The following DLG2 variants were observed in gnomAD, a reference collection of about 807,000 sequenced individuals.
DLG2 encodes the protein disks large homolog 2.
Under a neutral mutation model 132.5 loss-of-function variants are expected in DLG2, and 45 were observed. The ratio of observed to expected loss-of-function variants is 0.34; its 90% confidence interval spans 0.27 to 0.44. The LOEUF is 0.44. Among genes scored for constraint, DLG2 ranks in the 20% least tolerant of loss-of-function variants. The pLI is 1.00. For missense variants in DLG2, 1,045 were observed against 1,196.9 expected (o/e 0.87, Z 1.87); for synonymous variants, 424 against 419.6 (o/e 1.01, Z -0.13).
intron 6 of DLG2, among the ~76,000 whole-genome samples, chr11:84,909,262 G>T (rs1591094052): frequency 1.3e-5 from 2 of 152,090 alleles, no homozygotes; most frequent in Admixed American, 1.3e-4. Flanking sequence ...ACAAATTCCA[G>T]TATCTTTCCC....
chr11:83,628,107 G>A (rs1270369050), intron 19 of DLG2, among the ~76,000 whole-genome samples: 4 of 152,130 alleles, frequency 2.6e-5, no homozygotes, highest in Admixed American at 2.6e-4. Flanking sequence ...GTAGATTCTG[G>A]ATATTAGCCC....
intron 6 of DLG2, among the ~76,000 whole-genome samples, chr11:84,728,409 T>C (rs1414539394): frequency 2.0e-5 from 3 of 152,190 alleles, no homozygotes; most frequent in Non-Finnish European, 2.9e-5. Context: ...AAGGCATATG[T>C]TGAACCAGCC....
chr11:85,441,676 T>C (rs977323158), intron 3 of DLG2, among the ~76,000 whole-genome samples: 1 of 152,190 alleles, frequency 6.6e-6, no homozygotes, highest in Non-Finnish European at 1.5e-5. Context: ...AAATTATTGA[T>C]AGCACAAAGT....
intron 5 of DLG2, among the ~76,000 whole-genome samples, chr11:85,130,645 T>C (rs993690447): frequency 6.6e-6 from 1 of 152,182 alleles, no homozygotes; most frequent in African/African-American, 2.4e-5. Flanking sequence ...GACAGCACCT[T>C]AGCCAGAGCT....
In DLG2 at chr11:84,864,515, C is replaced by T. The variant is rs190723452; in HGVS notation, c.357+247146G>A. On this transcript the variant is annotated intron_variant, in intron 6 of 27. Transcript: ENST00000376104. ...TCTTTTCTTTACTATCTCCTTCCCT[C>T]TACCCTCTCAGCCTCCATTGCCACC... Among the ~76,000 whole-genome samples the T allele has an allele frequency of 2.0e-5, 3 of 152,296 alleles. No homozygotes were observed. The East Asian group carries it at 5.8e-4, about 29-fold the overall frequency.
Position 85,115,054 on chromosome 11 carries a change from A to G in DLG2, c.283-3319T>C, listed in dbSNP as rs145831854. ...AAGGTTCTGTTGTTCTACTGTTCAC[A>G]GTAAAATGATCCTCATAAACAAAGG... On this transcript the variant is annotated intron_variant, in intron 5 of 27. Transcript: ENST00000376104. Among the ~76,000 whole-genome samples the G allele has an allele frequency of 2.8e-3, 423 of 152,082 alleles. 2 individuals are homozygous for G. Among genetic ancestry groups the G allele is most frequent in the Non-Finnish European group, 4.4e-3 (302 of 67,920 alleles).
chr11:85,247,549 G>T (rs996845982), intron 4 of DLG2, among the ~76,000 whole-genome samples: 1 of 151,524 alleles, frequency 6.6e-6, no homozygotes, highest in Admixed American at 6.6e-5. Context: ...CAATTTTCTT[G>T]TTATTAGTAA....
chr11:83,963,096 A>T, intron 13 of DLG2, 73 bp from the exon 14 acceptor site: 1 of 1,500,826 alleles, frequency 6.7e-7, no homozygotes, highest in Non-Finnish European at 9.2e-7. Context: ...ATACTTCAGA[A>T]AAATGTATTA....
chr11:85,583,566 G>A (rs1267052846), intron 3 of DLG2, among the ~76,000 whole-genome samples: 1 of 152,036 alleles, frequency 6.6e-6, no homozygotes, highest in Non-Finnish European at 1.5e-5. Context: ...GAAGTTCTGT[G>A]GCTTCTGAGC....
At chr11:85,379,030 T>C (rs2085657524) in intron 3 of DLG2, among the ~76,000 whole-genome samples, 1 of 152,132 alleles carries the variant, frequency 6.6e-6, no homozygotes, top group Non-Finnish European at 1.5e-5. Context: ...AAGCAAATAA[T>C]ACATAACTTC....
intron 5 of DLG2, among the ~76,000 whole-genome samples, chr11:85,143,240 A>C (rs1289380332): frequency 1.3e-5 from 2 of 151,656 alleles, no homozygotes; most frequent in Middle Eastern, 3.4e-3. Context: ...TTATTGGTCT[A>C]TTTTGGTTTC....
intron 7 of DLG2, among the ~76,000 whole-genome samples, chr11:84,520,563 G>A (rs573206): frequency 0.99 from 151,155 of 152,328 alleles, 75,048 homozygotes; most frequent in Middle Eastern, 1. Context: ...AACTAAATGT[G>A]TGCTGACATT....
At chr11:83,919,058 G>A (rs2077408963) in intron 15 of DLG2, among the ~76,000 whole-genome samples, 1 of 152,098 alleles carries the variant, frequency 6.6e-6, no homozygotes, top group Non-Finnish European at 1.5e-5. Flanking sequence ...GATTTCTATG[G>A]GAAAACAATA....
At chr11:85,009,779 T>C (rs1259398266) in intron 6 of DLG2, among the ~76,000 whole-genome samples, 15 of 152,092 alleles carry the variant, frequency 9.9e-5, no homozygotes. Flanking sequence ...TTGCTATCGA[T>C]TTCTATAAAT....
chr11:84,572,130 C>T (rs1052966631), intron 6 of DLG2, among the ~76,000 whole-genome samples: 3 of 151,758 alleles, frequency 2.0e-5, no homozygotes, highest in Admixed American at 1.3e-4. Context: ...AGGTTTGTTA[C>T]ATATGTATAC....
chr11:84,909,648 T>C (rs984002798), intron 6 of DLG2, among the ~76,000 whole-genome samples: 3 of 152,214 alleles, frequency 2.0e-5, no homozygotes, highest in African/African-American at 4.8e-5. Context: ...ATAGGTGGCC[T>C]CTTCCCCAGG....
At chr11:84,323,544 T>A (rs1221733882) in intron 7 of DLG2, among the ~76,000 whole-genome samples, 2 of 152,150 alleles carry the variant, frequency 1.3e-5, no homozygotes, top group Non-Finnish European at 1.5e-5. Flanking sequence ...TCAATTCTTT[T>A]GAATAAACAC....
chr11:85,297,021 T>A (rs1288119056), intron 3 of DLG2, among the ~76,000 whole-genome samples: 1 of 151,446 alleles, frequency 6.6e-6, no homozygotes, highest in African/African-American at 2.4e-5. Context: ...TTCCATTATA[T>A]TATTTTAAAT....
chr11:84,566,994 C>T (rs1406204847), intron 6 of DLG2, among the ~76,000 whole-genome samples: 2 of 152,100 alleles, frequency 1.3e-5, no homozygotes, highest in African/African-American at 4.8e-5. Context: ...CACATAACGA[C>T]TTTGTGATGA....
Sources: allele counts gnomAD v4.1 joint callset (sites outside exome capture counted in the v4.1 genomes callset), GRCh38; gene constraint gnomAD v4.1.1; transcripts MANE v1.5; gene names NCBI Gene and HGNC (gene_info 2026-07-23, HGNC 2026-07-21).